The following BFSP2 variants were observed in gnomAD, a reference collection of about 807,000 sequenced individuals.
BFSP2 encodes beaded filament structural protein 2.
BFSP2 carries 38 observed loss-of-function variants against 44.9 expected under a neutral mutation model. That is an observed-to-expected ratio of 0.85 (90% CI 0.65 to 1.11). The LOEUF is 1.11. Among genes scored for constraint, BFSP2 ranks in the 50% least tolerant of loss-of-function variants. The pLI is 0.00. For synonymous variants in BFSP2, 197 were observed against 209.9 expected (o/e 0.94, Z 0.53); for missense variants, 525 against 533.0 (o/e 0.99, Z 0.15).
In BFSP2 at chr3:133,474,955, G is replaced by A; in HGVS notation, c.1245-14G>A. 3.7e-6 allele frequency: 6 copies of A among 1,614,150 alleles called. No homozygotes were observed. The highest frequency in any genetic ancestry group is 5.1e-6 in the Non-Finnish European group (6 of 1,179,990). ...CTCACCCATTGCTTCTGACTCCTATGTGTTTCCTTTCAGCTGATGGAGAAA... is the reference window on the plus strand; with the variant it reads ...CTCACCCATTGCTTCTGACTCCTATATGTTTCCTTTCAGCTGATGGAGAAA... On this transcript the variant is annotated splice_polypyrimidine_tract_variant and intron_variant, in intron 6 of 6. Coordinates refer to ENST00000302334, the MANE Select transcript of BFSP2 (RefSeq NM_003571.4).
chr3:133,416,385 C>A (rs2073529790), intron 1 of BFSP2, among the ~76,000 whole-genome samples: 1 of 148,686 alleles, frequency 6.7e-6, no homozygotes, highest in Non-Finnish European at 1.5e-5. Context: ...CCTCTCCCCT[C>A]TACTCACCCC....
At chr3:133,474,327 AT>A (rs1386746743) in intron 6 of BFSP2, among the ~76,000 whole-genome samples, 1 of 152,178 alleles carries the variant, frequency 6.6e-6, no homozygotes, top group East Asian at 1.9e-4. Flanking sequence ...ATGGAAAAAG[AT>A]TTGCGCATGA....
chr3:133,414,087 AC>A (rs1278202250), intron 1 of BFSP2, among the ~76,000 whole-genome samples: 3 of 59,732 alleles, frequency 5.0e-5, no homozygotes, highest in Non-Finnish European at 6.6e-5. Context: ...CCCTCCACAA[AC>A]CCCTCTACTC....
At chr3:133,436,754 G>C (rs56363868) in intron 1 of BFSP2, among the ~76,000 whole-genome samples, 8,366 of 151,806 alleles carry the variant, frequency 0.055, 789 homozygotes, top group African/African-American at 0.19. Context: ...ATCCCTCCCC[G>C]CTTCCCCCAC....
At chr3:133,402,257 A>T (rs2073368325) in intron 1 of BFSP2, among the ~76,000 whole-genome samples, 1 of 152,222 alleles carries the variant, frequency 6.6e-6, no homozygotes, top group African/African-American at 2.4e-5. Context: ...TTTATACTCA[A>T]TAGATACTGA....
rs942002693 is a variant in BFSP2, at chr3:133,472,340, T to C, written c.1024-5T>C. On this transcript the variant is annotated splice_region_variant and splice_polypyrimidine_tract_variant and intron_variant, in intron 5 of 6. Coordinates refer to ENST00000302334, the MANE Select transcript of BFSP2 (RefSeq NM_003571.4). Reference sequence around the variant, plus strand: ...CGGGTTTGGACCGGGTTCGCTCTTTTGTAGAAACGAGGCCTGGAGAACACC... The same window carrying C: ...CGGGTTTGGACCGGGTTCGCTCTTTCGTAGAAACGAGGCCTGGAGAACACC... 4 of 1,609,448 alleles carry C rather than the reference T, an allele frequency of 2.5e-6. No individual in the cohort carries two copies. Among genetic ancestry groups the C allele is most frequent in the Admixed American group, 3.3e-5 (2 of 59,900 alleles).
At chr3:133,401,247 A>G (rs1576553470) in intron 1 of BFSP2, among the ~76,000 whole-genome samples, 1 of 152,332 alleles carries the variant, frequency 6.6e-6, no homozygotes, top group Non-Finnish European at 1.5e-5. Flanking sequence ...AAATATATTA[A>G]TGAGGTAATT....
chr3:133,416,904 C>T (rs1458320174), intron 1 of BFSP2, among the ~76,000 whole-genome samples: 1 of 140,342 alleles, frequency 7.1e-6, no homozygotes, highest in African/African-American at 2.7e-5. Context: ...TCATCCCTGC[C>T]CTCTCCCCTC....
intron 1 of BFSP2, chr3:133,410,685 G>T: frequency 3.9e-6 from 1 of 258,058 alleles, no homozygotes; most frequent in South Asian, 5.9e-5. Flanking sequence ...GCCCGTGGGC[G>T]GACAGGAGTC....
Position 133,448,578 on chromosome 3 carries a change from T to C in BFSP2, c.662T>C (p.Met221Thr). The change falls in exon 3 of 7, where the codon ATG becomes ACG. Residue 221 changes from methionine to threonine, a missense_variant. Physicochemically the swap from Met to Thr is moderately conservative, Grantham distance 81. Coordinates refer to ENST00000302334, the MANE Select transcript of BFSP2 (RefSeq NM_003571.4). ...KVIDEANLTKMDLESQIESLK... is the reference protein window; with the variant it reads ...KVIDEANLTKTDLESQIESLK... ...ATTGATGAGGCTAATTTGACTAAAA[T>C]GGACCTGGAGAGTCAAATAGAAAGT... 1.2e-6 allele frequency: 2 copies of C among 1,614,072 alleles called. No individual in the cohort carries two copies. Among genetic ancestry groups the C allele is most frequent in the Middle Eastern group, 3.3e-4 (2 of 6,046 alleles).
At chr3:133,434,551 A>G (rs1181730238) in intron 1 of BFSP2, among the ~76,000 whole-genome samples, 1 of 152,176 alleles carries the variant, frequency 6.6e-6, no homozygotes, top group Admixed American at 6.5e-5. Context: ...CTCTGAGCCC[A>G]AGCCAAGCCA....
chr3:133,424,075 G>A (rs912101774), intron 1 of BFSP2, among the ~76,000 whole-genome samples: 5 of 151,328 alleles, frequency 3.3e-5, no homozygotes, highest in Admixed American at 2.0e-4. Context: ...GGCGGGGAAT[G>A]GAGTCTCACT....
At chr3:133,448,341 A>T in intron 2 of BFSP2, 148 bp from the exon 3 acceptor site, 1 of 1,021,786 alleles carries the variant, frequency 9.8e-7, no homozygotes, top group Admixed American at 2.1e-5. Context: ...TGACAACTGC[A>T]CTAACAGTGC....
intron 1 of BFSP2, among the ~76,000 whole-genome samples, chr3:133,411,108 T>A (rs1197395): frequency 6.6e-6 from 1 of 150,692 alleles, no homozygotes. Context: ...GATCCATCAA[T>A]TTTTAAAAGA....
intron 1 of BFSP2, chr3:133,410,331 TA>T: frequency 2.8e-6 from 1 of 362,938 alleles, no homozygotes; most frequent in South Asian, 2.2e-5. Context: ...GCAGTGGCAC[TA>T]ACAGTCGTGG....
chr3:133,412,745 C>T (rs974177938), intron 1 of BFSP2, among the ~76,000 whole-genome samples: 47 of 151,336 alleles, frequency 3.1e-4, no homozygotes, highest in African/African-American at 1.1e-3. Context: ...CGACACACAG[C>T]GGGTGTTCAA....
intron 3 of BFSP2, chr3:133,449,175 C>T (rs2073932973): frequency 1.3e-5 from 2 of 156,034 alleles, no homozygotes; most frequent in Admixed American, 1.2e-4. Context: ...ATTTAGGCTG[C>T]TTCAAGTTGA....
chr3:133,439,165 T>C (rs1276312507), intron 1 of BFSP2, among the ~76,000 whole-genome samples: 1 of 152,278 alleles, frequency 6.6e-6, no homozygotes, highest in Non-Finnish European at 1.5e-5. Flanking sequence ...TAGTAAGTGC[T>C]TTAAAAAATA....
chr3:133,457,014 T>C (rs1459459650), intron 4 of BFSP2, among the ~76,000 whole-genome samples: 2 of 152,234 alleles, frequency 1.3e-5, no homozygotes, highest in Non-Finnish European at 2.9e-5. Context: ...CAAGAGTCAA[T>C]ATTTTCTAAG....
Sources: gnomAD v4.1 joint callset for allele counts (sites outside exome capture counted in the v4.1 genomes callset) on GRCh38, gnomAD v4.1.1 for gene constraint, MANE v1.5 for transcripts, NCBI Gene and HGNC (gene_info 2026-07-23, HGNC 2026-07-21) for gene names.